Variants in MTUS2 observed in about 807,000 individuals in gnomAD.
The protein encoded by MTUS2 is microtubule-associated tumor suppressor candidate 2.
In MTUS2, 40 loss-of-function variants were observed where a neutral mutation model predicts 114.1. The ratio of observed to expected loss-of-function variants is 0.35; its 90% CI spans 0.27 to 0.46. The LOEUF (loss-of-function observed/expected upper bound fraction) is 0.46. Ranked by LOEUF, MTUS2 falls within the 20% of genes least tolerant of loss-of-function variation. The pLI is 1.00. For synonymous variants in MTUS2, 688 were observed against 672.0 expected (o/e 1.02, Z -0.37); for missense variants, 1,679 against 1,705.4 (o/e 0.98, Z 0.27).
chr13:28,995,458 G>A (rs189658192), intron 2 of MTUS2, among the ~76,000 whole-genome samples: 5,498 of 152,200 alleles, frequency 0.036, 155 homozygotes, highest in Middle Eastern at 0.065. Context: ...TAGATTGATG[G>A]GGATGGCATT....
chr13:29,292,233 G>T (rs1691885341), intron 6 of MTUS2, among the ~76,000 whole-genome samples: 1 of 152,170 alleles, frequency 6.6e-6, no homozygotes, highest in South Asian at 2.1e-4. Context: ...GTGGCTCTAA[G>T]CTGATGATGG....
intron 9 of MTUS2, among the ~76,000 whole-genome samples, chr13:29,479,223 T>C (rs2138887594): frequency 6.6e-6 from 1 of 152,356 alleles, no homozygotes; most frequent in Non-Finnish European, 1.5e-5. Context: ...TTGTAGAATG[T>C]AAATGATGTG....
At chr13:29,125,396 A>G (rs1233565946) in intron 5 of MTUS2, among the ~76,000 whole-genome samples, 1 of 152,238 alleles carries the variant, frequency 6.6e-6, no homozygotes, top group African/African-American at 2.4e-5. Context: ...CCCAAGAAAC[A>G]CTTAAGGTTG....
At chr13:29,324,796 C>A in intron 7 of MTUS2, 85 bp downstream of exon 7, 2 of 998,398 alleles carry the variant, frequency 2.0e-6, no homozygotes, top group Non-Finnish European at 3.1e-6. Flanking sequence ...TGGAGCAATG[C>A]CAACCCATGT....
chr13:29,173,840 CT>C (rs1448779008), intron 5 of MTUS2, among the ~76,000 whole-genome samples: 1 of 152,030 alleles, frequency 6.6e-6, no homozygotes, highest in Non-Finnish European at 1.5e-5. Context: ...AAAAACACAT[CT>C]TTGATATGAA....
At chr13:29,285,284 G>GA (rs1408183501) in intron 6 of MTUS2, among the ~76,000 whole-genome samples, 1 of 151,586 alleles carries the variant, frequency 6.6e-6, no homozygotes, top group Non-Finnish European at 1.5e-5. Flanking sequence ...TAAAGGAAAA[G>GA]AAAAGCCTTT....
At chr13:29,155,350 C>T (rs1892816630) in intron 5 of MTUS2, among the ~76,000 whole-genome samples, 1 of 152,190 alleles carries the variant, frequency 6.6e-6, no homozygotes, top group African/African-American at 2.4e-5. Flanking sequence ...CTTTCCATAT[C>T]ACTGTATAAT....
chr13:28,917,207 A>G (rs757058860), intron 2 of MTUS2, among the ~76,000 whole-genome samples: 3 of 151,890 alleles, frequency 2.0e-5, no homozygotes, highest in Admixed American at 6.6e-5. Context: ...CATCAGAGAT[A>G]TTGGCCTGTG....
At chr13:29,275,856 C>G (rs1215085071) in intron 5 of MTUS2, among the ~76,000 whole-genome samples, 2 of 152,184 alleles carry the variant, frequency 1.3e-5, no homozygotes, top group Admixed American at 1.3e-4. Flanking sequence ...CTCTTCAATA[C>G]ACTGATTTCT....
At chr13:29,390,697 T>C (rs767151413) in intron 8 of MTUS2, among the ~76,000 whole-genome samples, 2 of 149,678 alleles carry the variant, frequency 1.3e-5, no homozygotes, top group Admixed American at 6.7e-5. Flanking sequence ...AGGGTCCCCG[T>C]TGGGGTAAAA....
intron 2 of MTUS2, among the ~76,000 whole-genome samples, chr13:28,948,577 C>T (rs1038360333): frequency 2.0e-5 from 3 of 152,126 alleles, no homozygotes; most frequent in African/African-American, 7.2e-5. Flanking sequence ...TAAGATTTTT[C>T]CCCCTTATTC....
chr13:29,104,193 T>TTGTGG (rs1016463745), intron 5 of MTUS2, among the ~76,000 whole-genome samples: 1 of 152,208 alleles, frequency 6.6e-6, no homozygotes, highest in African/African-American at 2.4e-5. Flanking sequence ...TTCCACAAGG[T>TTGTGG]TGTGGCAAAC....
intron 8 of MTUS2, among the ~76,000 whole-genome samples, chr13:29,420,572 C>T (rs1876022162): frequency 6.6e-6 from 1 of 152,168 alleles, no homozygotes; most frequent in Admixed American, 6.5e-5. Flanking sequence ...CCACTGCACC[C>T]AGCCTCCGTT....
intron 9 of MTUS2, among the ~76,000 whole-genome samples, chr13:29,444,501 A>T (rs1018755869): frequency 2.0e-5 from 3 of 152,252 alleles, no homozygotes; most frequent in African/African-American, 7.2e-5. Context: ...CACAGGCCTG[A>T]TGCATGTTAG....
At chr13:29,122,200 G>A (rs1029462082) in intron 5 of MTUS2, among the ~76,000 whole-genome samples, 1 of 152,128 alleles carries the variant, frequency 6.6e-6, no homozygotes, top group Non-Finnish European at 1.5e-5. Context: ...GAGGGAGAAG[G>A]GGCTAAGTTT....
chr13:28,924,921 G>T (rs918714042), intron 2 of MTUS2, among the ~76,000 whole-genome samples: 4 of 151,762 alleles, frequency 2.6e-5, no homozygotes, highest in African/African-American at 9.7e-5. Flanking sequence ...TACACACATC[G>T]CCTTCTGCTT....
chr13:29,060,797 G>T, intron 4 of MTUS2, among the ~76,000 whole-genome samples: 1 of 107,154 alleles, frequency 9.3e-6, no homozygotes, highest in African/African-American at 3.5e-5. Context: ...ATTTGGATTA[G>T]TTGACTTTTT....
intron 7 of MTUS2, among the ~76,000 whole-genome samples, chr13:29,341,285 C>G (rs1334035170): frequency 6.6e-6 from 1 of 152,114 alleles, no homozygotes; most frequent in African/African-American, 2.4e-5. Flanking sequence ...ACAAGTGTTC[C>G]CTTTTCACAA....
intron 2 of MTUS2, among the ~76,000 whole-genome samples, chr13:28,944,223 G>A (rs1882396350): frequency 6.6e-6 from 1 of 151,964 alleles, no homozygotes; most frequent in Non-Finnish European, 1.5e-5. Context: ...TTTATGCTGG[G>A]AACATTTGAA....
Sources: allele counts gnomAD v4.1 joint callset (sites outside exome capture counted in the v4.1 genomes callset), GRCh38; gene constraint gnomAD v4.1.1; transcripts MANE v1.5; gene names NCBI Gene and HGNC (gene_info 2026-07-23, HGNC 2026-07-21).